AIG1: variants seen among roughly 807,000 people sequenced by gnomAD.
AIG1 encodes androgen-induced gene 1 protein.
Under a neutral mutation model 31.4 loss-of-function variants are expected in AIG1, and 23 were observed. The ratio of observed to expected loss-of-function variants is 0.73; its 90% confidence interval spans 0.53 to 1.04. The LOEUF (loss-of-function observed/expected upper bound fraction) is 1.04, where lower values mean the gene tolerates loss of function less well. AIG1 is among the 50% of genes least tolerant of loss of function. AIG1 has a pLI of 0.00. For missense variants in AIG1, 274 were observed against 295.0 expected, an observed-to-expected ratio of 0.93 and a Z score of 0.52; for synonymous variants, 100 against 110.5, an observed-to-expected ratio of 0.90 and a Z score of 0.60.
rs139027889 is a variant in AIG1, at chr6:143,101,487, G to T, written c.142-35348G>T. ...AGGATTAAGGGTCTAGATTCCTTCA[G>T]TGAATGGTGGCTCTGAGCAGGTAGA... On this transcript the variant is annotated intron_variant, in intron 1 of 5. Coordinates refer to ENST00000357847, the MANE Select transcript of AIG1 (RefSeq NM_016108.4). 8.6e-3 allele frequency among the ~76,000 whole-genome samples: 1,310 copies of T among 152,306 alleles called. 14 individuals are homozygous for T. Among genetic ancestry groups the T allele is most frequent in the African/African-American group, 0.023 (960 of 41,562 alleles).
At chr6:143,311,893 CAGT>C (rs2128707617) in intron 4 of AIG1, among the ~76,000 whole-genome samples, 2 of 152,108 alleles carry the variant, frequency 1.3e-5, no homozygotes, top group African/African-American at 4.8e-5. Flanking sequence ...ATACAAAAAT[CAGT>C]AGCATTTCAA....
intron 3 of AIG1, among the ~76,000 whole-genome samples, chr6:143,227,573 A>G (rs1793090694): frequency 6.6e-6 from 1 of 152,216 alleles, no homozygotes; most frequent in African/African-American, 2.4e-5. Flanking sequence ...ATATTCCAAT[A>G]ACCTTGCAGA....
intron 1 of AIG1, among the ~76,000 whole-genome samples, chr6:143,078,733 T>C (rs547365731): frequency 2.6e-5 from 4 of 152,104 alleles, no homozygotes; most frequent in Admixed American, 2.6e-4. Flanking sequence ...GATTCAATTA[T>C]CTCCCACTGG....
At chr6:143,098,616 C>G (rs1349662183) in intron 1 of AIG1, among the ~76,000 whole-genome samples, 1 of 152,202 alleles carries the variant, frequency 6.6e-6, no homozygotes, top group Non-Finnish European at 1.5e-5. Flanking sequence ...CCCAGTCTCT[C>G]TTGAGCTCTA....
At chr6:143,282,885 T>TAA (rs1332947844) in intron 3 of AIG1, among the ~76,000 whole-genome samples, 2 of 152,380 alleles carry the variant, frequency 1.3e-5, no homozygotes, top group African/African-American at 4.8e-5. Context: ...GAATGCTTAT[T>TAA]AGACTTTGAA....
In AIG1 at chr6:143,105,385, C is replaced by T. The variant is rs537347960; in HGVS notation, c.142-31450C>T. Among the ~76,000 whole-genome samples, 26 of 152,326 alleles carry T rather than the reference C, an allele frequency of 1.7e-4. No homozygotes were observed. In the South Asian group the frequency reaches 5.4e-3, roughly 32 times the overall value. On this transcript the variant is annotated intron_variant, in intron 1 of 5. Transcript: ENST00000357847. ...TGAGCCAGTAGGGCACAGGCCTTCACACACCAGGAAGCGCAGAAATCTGTT... is the reference window on the plus strand; with the variant it reads ...TGAGCCAGTAGGGCACAGGCCTTCATACACCAGGAAGCGCAGAAATCTGTT...
At chr6:143,077,063 CA>C (rs1202250428) in intron 1 of AIG1, among the ~76,000 whole-genome samples, 1 of 152,150 alleles carries the variant, frequency 6.6e-6, no homozygotes, top group Admixed American at 6.5e-5. Flanking sequence ...TTACCATATA[CA>C]AACTTAGCTT....
chr6:143,131,249 C>T (rs1219140791), intron 1 of AIG1, among the ~76,000 whole-genome samples: 2 of 152,124 alleles, frequency 1.3e-5, no homozygotes, highest in Non-Finnish European at 2.9e-5. Flanking sequence ...CAATTTTTGA[C>T]TTTCCTGAAT....
At position 143,268,104 on chromosome 6, in the gene AIG1, TAGGG is replaced by T. The variant is rs1483939553; in HGVS notation, c.400-16002_400-15999del. ...TATCCATGATGAATTATAATAAAAA[TAGGG>T]AGGATTATGACTTGATATATAAAGT... On this transcript the variant is annotated intron_variant, in intron 3 of 5. Transcript: ENST00000357847. This position sits in a 1 kb window ranked among gnomAD's most constrained non-coding sequence, Gnocchi z 5.0. Among the ~76,000 whole-genome samples the T allele has an allele frequency of 2.6e-5, 4 of 152,170 alleles. No homozygotes were observed. Among genetic ancestry groups the T allele is most frequent in the Admixed American group, 2.6e-4 (4 of 15,282 alleles).
Position 143,258,079 on chromosome 6 carries a change from C to G in AIG1, c.400-26031C>G, listed in dbSNP as rs768598484. 1.3e-5 allele frequency among the ~76,000 whole-genome samples: 2 copies of G among 152,314 alleles called. No individual in the cohort carries two copies. Among genetic ancestry groups the G allele is most frequent in the Middle Eastern group, 3.4e-3 (1 of 294 alleles). On this transcript the variant is annotated intron_variant, in intron 3 of 5. Coordinates refer to ENST00000357847, the MANE Select transcript of AIG1 (RefSeq NM_016108.4). The surrounding 1 kb of genome is among the most constrained non-coding windows in gnomAD (Gnocchi z 4.7). Reference sequence around the variant, plus strand: ...AAGCCAACCTGATGCCCAGAGTCCTCCAATTGAATCCATGGTATCAACAGT... The same window carrying G: ...AAGCCAACCTGATGCCCAGAGTCCTGCAATTGAATCCATGGTATCAACAGT...
chr6:143,252,407 G>T (rs1219970834), intron 3 of AIG1, among the ~76,000 whole-genome samples: 1 of 152,064 alleles, frequency 6.6e-6, no homozygotes, highest in Non-Finnish European at 1.5e-5. Context: ...AGACGTGAGG[G>T]TCCATATTTC....
chr6:143,235,914 G>T lies in AIG1; in HGVS notation c.400-48196G>T, dbSNP rs1793770066. Among the ~76,000 whole-genome samples the T allele has an allele frequency of 2.0e-5, 3 of 152,022 alleles. 1 individual carries two copies. Among genetic ancestry groups the T allele is most frequent in the South Asian group, 4.2e-4 (2 of 4,810 alleles). ...AAGATAAAGATGCTTCTTTCCTCTG[G>T]ATCTAGGGAGGGCACCTCTCCAATG... On this transcript the variant is annotated intron_variant, in intron 3 of 5. Transcript: ENST00000357847.
rs73590480 is a variant in AIG1 at position 143,141,666 on chromosome 6, C to A, written c.297+4676C>A. ...TTGCAACTAATTTTGCAGGGATAAC[C>A]CATGGGAGGCTCTTCTTACCATGTG... On this transcript the variant is annotated intron_variant, in intron 2 of 5. Transcript: ENST00000357847. 4.1e-3 allele frequency among the ~76,000 whole-genome samples: 630 copies of A among 152,238 alleles called. 3 individuals are homozygous for A. Among genetic ancestry groups the A allele is most frequent in the African/African-American group, 0.014 (585 of 41,540 alleles).
At chr6:143,173,545 A>G (rs1301247112) in intron 3 of AIG1, among the ~76,000 whole-genome samples, 1 of 152,164 alleles carries the variant, frequency 6.6e-6, no homozygotes, top group African/African-American at 2.4e-5. Context: ...TCCTCTTAGC[A>G]CTGCTTTTGC....
At chr6:143,094,336 G>A (rs567338925) in intron 1 of AIG1, 10 of 152,290 alleles carry the variant, frequency 6.6e-5, no homozygotes, top group African/African-American at 2.4e-4. Context: ...CCTAGAAAAT[G>A]GGTAGGAAGA....
rs559356157 is a variant in AIG1, at chr6:143,248,333, G to A, written c.400-35777G>A. 3.9e-5 allele frequency among the ~76,000 whole-genome samples: 6 copies of A among 152,280 alleles called. No homozygotes were observed. The South Asian group carries it at 1.2e-3, about 32-fold the overall frequency. On this transcript the variant is annotated intron_variant, in intron 3 of 5. Transcript: ENST00000357847. ...GTACGTCACAATGGAACACATAAGGGCCTTCCTTCCTCCCATATTTTTGAA... is the reference window on the plus strand; with the variant it reads ...GTACGTCACAATGGAACACATAAGGACCTTCCTTCCTCCCATATTTTTGAA...
chr6:143,190,606 AGT>A, intron 3 of AIG1: 2 of 985,408 alleles, frequency 2.0e-6, no homozygotes, highest in Non-Finnish European at 2.4e-6. Flanking sequence ...AACTTCATTC[AGT>A]GTCCTGGCAC....
chr6:143,110,648 C>T (rs1190264818), intron 1 of AIG1, among the ~76,000 whole-genome samples: 1 of 152,120 alleles, frequency 6.6e-6, no homozygotes, highest in African/African-American at 2.4e-5. Context: ...TATTTTGAAG[C>T]TGAAGAGAGG....
At chr6:143,125,427 AT>A (rs1782610861) in intron 1 of AIG1, among the ~76,000 whole-genome samples, 1 of 152,248 alleles carries the variant, frequency 6.6e-6, no homozygotes, top group African/African-American at 2.4e-5. Context: ...ATCAATAATT[AT>A]TTGTTAAAAA....
Sources: allele counts gnomAD v4.1 joint callset (sites outside exome capture counted in the v4.1 genomes callset), GRCh38; gene constraint gnomAD v4.1.1; non-coding constraint Gnocchi (gnomAD v3.1); transcripts MANE v1.5; gene names NCBI Gene and HGNC (gene_info 2026-07-23, HGNC 2026-07-21).